Variants in ASTN2 observed in about 807,000 individuals in gnomAD.
ASTN2 encodes astrotactin 2.
A neutral mutation model predicts 139.8 loss-of-function variants in ASTN2; 54 were observed. That is an observed-to-expected ratio of 0.39 (90% CI 0.31 to 0.48). The LOEUF is 0.48. ASTN2 is among the 20% of genes least tolerant of loss of function. The pLI, the probability that ASTN2 is intolerant of heterozygous loss-of-function variation, is 0.95. For missense variants in ASTN2, 1,565 were observed against 1,725.1 expected (o/e 0.91, Z 1.64); for synonymous variants, 756 against 719.5 (o/e 1.05, Z -0.81).
chr9:116,762,648 T>G (rs189020129), intron 13 of ASTN2, among the ~76,000 whole-genome samples: 1 of 152,354 alleles, frequency 6.6e-6, no homozygotes, highest in East Asian at 1.9e-4. Flanking sequence ...ATGTGAAAAT[T>G]CTATAATCTT....
At chr9:116,737,241 C>T (rs899055145) in intron 13 of ASTN2, among the ~76,000 whole-genome samples, 7 of 152,160 alleles carry the variant, frequency 4.6e-5, no homozygotes, top group African/African-American at 1.7e-4. Context: ...CAGCAGAGGG[C>T]GCCCGGGGCC....
At chr9:117,076,703 G>A (rs1450979144) in intron 5 of ASTN2, among the ~76,000 whole-genome samples, 2 of 151,986 alleles carry the variant, frequency 1.3e-5, no homozygotes, top group Non-Finnish European at 2.9e-5. Flanking sequence ...TGGAGGGAGA[G>A]AGCATCTCCT....
chr9:117,009,906 C>T (rs1368947940), intron 6 of ASTN2, among the ~76,000 whole-genome samples: 1 of 152,112 alleles, frequency 6.6e-6, no homozygotes, highest in Non-Finnish European at 1.5e-5. Context: ...ACCTGGCTGT[C>T]TGAGCATCTA....
chr9:116,490,802 A>G (rs927432260), intron 19 of ASTN2, among the ~76,000 whole-genome samples: 1 of 152,188 alleles, frequency 6.6e-6, no homozygotes, highest in East Asian at 1.9e-4. Context: ...CCCTCCCAGG[A>G]CACATGGGGA....
chr9:117,182,780 C>T (rs1348407420), intron 3 of ASTN2, among the ~76,000 whole-genome samples: 1 of 151,968 alleles, frequency 6.6e-6, no homozygotes, highest in African/African-American at 2.4e-5. Flanking sequence ...GTCTCGGTGC[C>T]CCCATCTCTG....
intron 19 of ASTN2, among the ~76,000 whole-genome samples, chr9:116,523,931 G>A (rs1850983619): frequency 6.6e-6 from 1 of 152,172 alleles, no homozygotes. Flanking sequence ...AATTCTCTCA[G>A]GGGTTACAGA....
At chr9:116,427,781 C>T (rs1344262001) in intron 22 of ASTN2, among the ~76,000 whole-genome samples, 3 of 152,236 alleles carry the variant, frequency 2.0e-5, no homozygotes, top group Non-Finnish European at 4.4e-5. Context: ...GCCAAGAATT[C>T]ATCACTTCAT....
intron 19 of ASTN2, among the ~76,000 whole-genome samples, chr9:116,608,469 T>C (rs564495847): frequency 6.6e-6 from 1 of 152,268 alleles, no homozygotes; most frequent in African/African-American, 2.4e-5. Flanking sequence ...AGCCCTAGAC[T>C]AAACACTGCT....
chr9:117,152,528 A>G (rs1830348214), intron 3 of ASTN2, among the ~76,000 whole-genome samples: 1 of 152,112 alleles, frequency 6.6e-6, no homozygotes, highest in Non-Finnish European at 1.5e-5. Context: ...GTCTGCTCTC[A>G]TATCTTGCTC....
In ASTN2 at chr9:116,468,184, C is replaced by T. The variant is rs536919069; in HGVS notation, c.3497+19175G>A. Among the ~76,000 whole-genome samples, 3 of 152,266 alleles carry T rather than the reference C, an allele frequency of 2.0e-5. No individual in the cohort carries two copies. The East Asian group carries it at 5.8e-4, about 29-fold the overall frequency. On this transcript the variant is annotated intron_variant, in intron 20 of 22. Transcript: ENST00000313400. ...AACCACAACTCATTCTTCTTTCAAC[C>T]CTGCTAGCCTCTCATATACTAGTGG...
At chr9:116,999,844 G>T in intron 7 of ASTN2, among the ~76,000 whole-genome samples, 1 of 152,072 alleles carries the variant, frequency 6.6e-6, no homozygotes, top group East Asian at 1.9e-4. Context: ...ACAGGAACGA[G>T]CCACCATGCC....
intron 19 of ASTN2, among the ~76,000 whole-genome samples, chr9:116,616,207 G>A (rs1448591536): frequency 6.6e-6 from 1 of 152,218 alleles, no homozygotes; most frequent in African/African-American, 2.4e-5. Context: ...CATGTAATCA[G>A]TGCATGTTGA....
In ASTN2 at chr9:116,781,523, C is replaced by T. The variant is rs138183621; in HGVS notation, c.2396+24109G>A. Among the ~76,000 whole-genome samples, 470 of 152,126 alleles carry T rather than the reference C, an allele frequency of 3.1e-3. 1 individual carries two copies. The highest frequency in any genetic ancestry group is 0.011 in the African/African-American group (448 of 41,492). On this transcript the variant is annotated intron_variant, in intron 13 of 22. Transcript: ENST00000313400. ...TGCACAATTTCCTGGCAATTTGTGT[C>T]GGTCCACAAGCCCAGCAGAGAAAAG... is the stretch of plus-strand genomic sequence containing the variant.
chr9:116,707,875 A>G (rs946112200), intron 16 of ASTN2, among the ~76,000 whole-genome samples: 1 of 152,172 alleles, frequency 6.6e-6, no homozygotes, highest in African/African-American at 2.4e-5. Flanking sequence ...ATATTTTAGG[A>G]CATGTTAGGA....
intron 12 of ASTN2, 51 bp downstream of exon 12, chr9:116,820,566 A>C (rs528991607): frequency 6.3e-7 from 1 of 1,578,220 alleles, no homozygotes; most frequent in Admixed American, 1.7e-5. Context: ...TTTCCCATGC[A>C]TCCCTCACTT....
intron 10 of ASTN2, among the ~76,000 whole-genome samples, chr9:116,939,731 G>C (rs1158907883): frequency 2.0e-5 from 3 of 152,150 alleles, no homozygotes; most frequent in African/African-American, 4.8e-5. Context: ...TACCAATGTG[G>C]TCTCATAAAG....
chr9:117,024,116 G>A lies in ASTN2; in HGVS notation c.1423+15703C>T, dbSNP rs1251958505. Among the ~76,000 whole-genome samples the A allele has an allele frequency of 2.0e-5, 3 of 152,106 alleles. No homozygotes were observed. The South Asian group carries it at 6.2e-4, about 32-fold the overall frequency. ...AAACGAGTTCTTCAAGGTGGACAAT[G>A]AATCTGTCCAAGCCCAACTTACCCT... is the stretch of plus-strand genomic sequence containing the variant. On this transcript the variant is annotated intron_variant, in intron 6 of 22. Coordinates refer to ENST00000313400, the MANE Select transcript of ASTN2 (RefSeq NM_001365068.1).
chr9:117,048,963 C>CTTTTTTTTTTGTTTTTTTTTTTTTTTTT (rs1838829921), intron 5 of ASTN2, among the ~76,000 whole-genome samples: 1 of 89,016 alleles, frequency 1.1e-5, no homozygotes, highest in Non-Finnish European at 2.3e-5. Flanking sequence ...TCATCCATTG[C>CTTTTTTTTTTGTTTTTTTTTTTTTTTTT]TTTTTTTTTT....
At chr9:117,116,081 A>T (rs902011949) in intron 4 of ASTN2, among the ~76,000 whole-genome samples, 1 of 148,444 alleles carries the variant, frequency 6.7e-6, no homozygotes, top group African/African-American at 2.5e-5. Flanking sequence ...TCACATTCAG[A>T]TGGAGGAAAT....
Sources: gnomAD v4.1 joint callset for allele counts (sites outside exome capture counted in the v4.1 genomes callset) on GRCh38, gnomAD v4.1.1 for gene constraint, MANE v1.5 for transcripts, NCBI Gene and HGNC (gene_info 2026-07-23, HGNC 2026-07-21) for gene names.